The following SUPT3H variants were observed in gnomAD, a reference collection of about 807,000 sequenced individuals.
SUPT3H encodes transcription initiation protein SPT3 homolog.
In SUPT3H, 44 loss-of-function variants were observed where a neutral mutation model predicts 44.3. The ratio of observed to expected loss-of-function variants is 0.99; its 90% CI spans 0.78 to 1.28. The LOEUF (loss-of-function observed/expected upper bound fraction) is 1.28. SUPT3H is among the 50% of genes most tolerant of loss of function. The probability of loss-of-function intolerance (pLI) is 0.00; values close to 1 mark genes in which losing one functional copy is unlikely to be tolerated. For synonymous variants in SUPT3H, 124 were observed against 125.6 expected (o/e 0.99, Z 0.09); for missense variants, 380 against 387.1 (o/e 0.98, Z 0.15).
At chr6:44,998,189 T>C (rs1286866092) in intron 6 of SUPT3H, among the ~76,000 whole-genome samples, 1 of 151,840 alleles carries the variant, frequency 6.6e-6, no homozygotes, top group Admixed American at 6.6e-5. Context: ...ATAGCTTGGA[T>C]AGCATGATAA....
intron 3 of SUPT3H, among the ~76,000 whole-genome samples, chr6:45,064,343 C>T (rs1391143861): frequency 1.2e-4 from 18 of 146,984 alleles, no homozygotes; most frequent in South Asian, 2.2e-4. Context: ...TGGTACCAGC[C>T]GCTGCAAAAT....
At chr6:45,307,972 A>G (rs569007743) in intron 2 of SUPT3H, among the ~76,000 whole-genome samples, 11 of 152,380 alleles carry the variant, frequency 7.2e-5, no homozygotes, top group African/African-American at 2.2e-4. Context: ...CACAAGCTTC[A>G]GTAGCCGATT....
In SUPT3H at chr6:45,061,491, T is replaced by C. The variant is rs941656539; in HGVS notation, c.187-40859A>G. Among the ~76,000 whole-genome samples, 5 of 152,118 alleles carry C rather than the reference T, an allele frequency of 3.3e-5. No homozygotes were observed. In the East Asian group the frequency reaches 9.6e-4, roughly 29 times the overall value. On this transcript the variant is annotated intron_variant, in intron 3 of 10. Transcript: ENST00000371459. ...ATCAGGAAGAATAGCTAATGCATGC[T>C]GGGCTTAATACCTAGCTGATGGGTT...
At chr6:44,949,182 T>G (rs1434909034) in intron 9 of SUPT3H, among the ~76,000 whole-genome samples, 2 of 152,050 alleles carry the variant, frequency 1.3e-5, no homozygotes, top group African/African-American at 2.4e-5. Context: ...TAGGTGGGAT[T>G]TGAACAATGA....
intron 10 of SUPT3H, among the ~76,000 whole-genome samples, chr6:44,876,264 CAAT>C (rs1422412010): frequency 1.5e-5 from 1 of 67,142 alleles, no homozygotes; most frequent in Non-Finnish European, 3.0e-5. Context: ...AAATGTCCAA[CAAT>C]GATAGACTGG....
intron 3 of SUPT3H, among the ~76,000 whole-genome samples, chr6:45,031,205 C>G (rs189552109): frequency 2.0e-5 from 3 of 152,108 alleles, no homozygotes; most frequent in East Asian, 3.9e-4. Flanking sequence ...AAGTTTATAA[C>G]TTTTAGTACT....
At chr6:45,055,763 G>C (rs569086174) in intron 3 of SUPT3H, among the ~76,000 whole-genome samples, 1 of 152,158 alleles carries the variant, frequency 6.6e-6, no homozygotes, top group African/African-American at 2.4e-5. Flanking sequence ...CACTGACTTA[G>C]GGAAAGACTT....
At chr6:45,105,106 A>C (rs1346381237) in intron 3 of SUPT3H, among the ~76,000 whole-genome samples, 1 of 151,930 alleles carries the variant, frequency 6.6e-6, no homozygotes, top group Non-Finnish European at 1.5e-5. Context: ...ACAGATACCT[A>C]TATATATAAA....
intron 10 of SUPT3H, among the ~76,000 whole-genome samples, chr6:44,906,300 A>G (rs998069943): frequency 1.3e-5 from 2 of 152,230 alleles, no homozygotes; most frequent in Non-Finnish European, 2.9e-5. Flanking sequence ...TATCTTCAGT[A>G]TATTTAATAT....
chr6:45,020,028 G>A lies in SUPT3H; in HGVS notation c.273+518C>T, dbSNP rs190591705. Among the ~76,000 whole-genome samples, 292 of 151,930 alleles carry A rather than the reference G, an allele frequency of 1.9e-3. 1 individual carries two copies. Among genetic ancestry groups the A allele is most frequent in the African/African-American group, 6.4e-3 (264 of 41,510 alleles). ...ATACCAGATTTCAAAGAGTAAGAAA[G>A]GTAGGCCTTTGTTCAAAAACAGAAA... On this transcript the variant is annotated intron_variant, in intron 4 of 10. Coordinates refer to ENST00000371459, the MANE Select transcript of SUPT3H (RefSeq NM_003599.4).
intron 2 of SUPT3H, among the ~76,000 whole-genome samples, chr6:45,246,306 A>C (rs1378421998): frequency 6.6e-6 from 1 of 152,060 alleles, no homozygotes; most frequent in Non-Finnish European, 1.5e-5. Context: ...TTCTTTCGTT[A>C]CCTGTGTTTT....
At chr6:44,834,449 A>G (rs1561854928) in intron 10 of SUPT3H, among the ~76,000 whole-genome samples, 2 of 152,164 alleles carry the variant, frequency 1.3e-5, no homozygotes, top group South Asian at 2.1e-4. Context: ...TGCCACTGTT[A>G]GGAGCACAGT....
chr6:44,901,823 T>A (rs1765117027), intron 10 of SUPT3H, among the ~76,000 whole-genome samples: 2 of 152,140 alleles, frequency 1.3e-5, no homozygotes, highest in Admixed American at 1.3e-4. Context: ...ACAGCTGATC[T>A]CTCACCAGAA....
chr6:44,852,095 G>A (rs961981527), intron 10 of SUPT3H, among the ~76,000 whole-genome samples: 4 of 152,054 alleles, frequency 2.6e-5, no homozygotes, highest in Admixed American at 6.5e-5. Flanking sequence ...TTCCAGCCTT[G>A]GGGAAACTCA....
At chr6:44,921,736 A>G (rs546778977) in intron 10 of SUPT3H, among the ~76,000 whole-genome samples, 12 of 152,332 alleles carry the variant, frequency 7.9e-5, no homozygotes, top group Non-Finnish European at 1.2e-4. Flanking sequence ...CAGAGCCAGA[A>G]ATGTAGTCTC....
At chr6:44,849,420 G>A (rs1353870157) in intron 10 of SUPT3H, among the ~76,000 whole-genome samples, 2 of 150,872 alleles carry the variant, frequency 1.3e-5, no homozygotes, top group Admixed American at 6.6e-5. Context: ...GTAGAGACGG[G>A]GTTTCACCAT....
At chr6:45,221,201 C>T (rs1765988741) in intron 2 of SUPT3H, among the ~76,000 whole-genome samples, 1 of 152,078 alleles carries the variant, frequency 6.6e-6, no homozygotes, top group Non-Finnish European at 1.5e-5. Context: ...GGGTGGGAAA[C>T]ATCATACACC....
At chr6:45,092,011 T>C (rs1288224508) in intron 3 of SUPT3H, among the ~76,000 whole-genome samples, 2 of 152,130 alleles carry the variant, frequency 1.3e-5, no homozygotes, top group Non-Finnish European at 2.9e-5. Context: ...TTTTAATATA[T>C]ATTTTCTGGA....
At chr6:44,889,145 T>A (rs1048143025) in intron 10 of SUPT3H, among the ~76,000 whole-genome samples, 2 of 152,060 alleles carry the variant, frequency 1.3e-5, no homozygotes, top group Admixed American at 6.6e-5. Flanking sequence ...TAACATTCCA[T>A]GCTCATGGGT....
Sources: gnomAD v4.1 joint callset for allele counts (sites outside exome capture counted in the v4.1 genomes callset) on GRCh38, gnomAD v4.1.1 for gene constraint, MANE v1.5 for transcripts, NCBI Gene and HGNC (gene_info 2026-07-23, HGNC 2026-07-21) for gene names.